The following NPY5R variants were observed in gnomAD, a reference collection of about 807,000 sequenced individuals.
The protein encoded by NPY5R is neuropeptide Y receptor type 5.
In NPY5R, 21 loss-of-function variants were observed where a neutral mutation model predicts 24.8. That is an observed-to-expected ratio of 0.85 (90% CI 0.60 to 1.22). The LOEUF is 1.22. NPY5R is among the 50% of genes most tolerant of loss of function. NPY5R has a pLI of 0.00. For missense variants in NPY5R, 481 were observed against 521.3 expected (o/e 0.92, Z 0.75); for synonymous variants, 175 against 183.0 (o/e 0.96, Z 0.35).
intron 3 of NPY5R, among the ~76,000 whole-genome samples, chr4:163,347,775 T>C (rs891901922): frequency 2.6e-5 from 4 of 152,216 alleles, no homozygotes; most frequent in African/African-American, 9.6e-5. Context: ...GTCACTTTTG[T>C]ACCAGGTGTT....
In NPY5R at chr4:163,350,294, G is replaced by A. The variant is rs755044465; in HGVS notation, c.21G>A (p.Glu7=). The A allele has an allele frequency of 1.0e-5, 16 of 1,580,824 alleles. No individual in the cohort carries two copies. The highest frequency in any genetic ancestry group is 2.3e-5 in the East Asian group (1 of 44,370). MDLELD[E]YYNKTLATEN... Reference sequence around the variant, plus strand: ...ATAATATGGATTTAGAGCTCGACGAGTATTATAACAAGACACTTGCCACAG... The same window carrying A: ...ATAATATGGATTTAGAGCTCGACGAATATTATAACAAGACACTTGCCACAG... The change falls in exon 4 of 4, where the codon GAG becomes GAA. Residue 7 remains glutamate (E), a synonymous_variant. Coordinates refer to ENST00000338566, the MANE Select transcript of NPY5R (RefSeq NM_006174.4).
At chr4:163,345,143 AT>A (rs1448581130) in intron 1 of NPY5R, 1 of 152,232 alleles carries the variant, frequency 6.6e-6, no homozygotes, top group Non-Finnish European at 1.5e-5. Context: ...GTGTATTTTC[AT>A]AAAGCAAAAA....
intron 3 of NPY5R, among the ~76,000 whole-genome samples, chr4:163,348,860 T>A (rs1735363029): frequency 6.6e-6 from 1 of 152,154 alleles, no homozygotes; most frequent in African/African-American, 2.4e-5. Flanking sequence ...GGGAGTTATA[T>A]TAATATCACT....
At position 163,350,937 on chromosome 4, in the gene NPY5R, C is replaced by T; in HGVS notation, c.664C>T (p.Leu222=). 1 of 1,613,914 alleles carries T rather than the reference C, an allele frequency of 6.2e-7. No homozygotes were observed. Among genetic ancestry groups the T allele is most frequent in the South Asian group, 1.1e-5 (1 of 91,070 alleles). The change falls in exon 4 of 4, where the codon CTG becomes TTG. Residue 222 remains leucine, a synonymous_variant. Coordinates refer to ENST00000338566, the MANE Select transcript of NPY5R (RefSeq NM_006174.4). ...TISLLLVQYI[L]PLVCLTVSHT... is the part of the protein sequence containing the mutation. ...CTCTTTATTGCTAGTTCAGTATATT[C>T]TGCCCTTAGTTTGTCTTACTGTAAG...
chr4:163,343,999 A>G lies in NPY5R; in HGVS notation c.-122A>G, dbSNP rs1735092014. On this transcript the variant is annotated splice_region_variant and 5_prime_UTR_variant, in exon 1 of 4. Transcript: ENST00000338566. ...GGCCTGCAGCGGCCGGGGCGCCCCGAGGTACGGGCTCCCGCCCCTCCCTGC... is the reference window on the plus strand; with the variant it reads ...GGCCTGCAGCGGCCGGGGCGCCCCGGGGTACGGGCTCCCGCCCCTCCCTGC... 6.6e-6 allele frequency: 1 copy of G among 151,672 alleles called. No homozygotes were observed. The highest frequency in any genetic ancestry group is 3.4e-3 in the Middle Eastern group (1 of 290). 9.4% of individuals were successfully genotyped at this position (151,672 alleles called of 1,614,324 possible).
At chr4:163,348,378 C>G (rs1212880837) in intron 3 of NPY5R, among the ~76,000 whole-genome samples, 1 of 152,078 alleles carries the variant, frequency 6.6e-6, no homozygotes, top group Non-Finnish European at 1.5e-5. Context: ...CCTATAATCC[C>G]AACAGTTTGG....
chr4:163,349,533 T>C (rs563026721), intron 3 of NPY5R, among the ~76,000 whole-genome samples: 4 of 152,276 alleles, frequency 2.6e-5, no homozygotes, highest in African/African-American at 9.6e-5. Flanking sequence ...TTGGCCTAGA[T>C]TGAGATAGAA....
At position 163,351,582 on chromosome 4, in the gene NPY5R, G is replaced by A; in HGVS notation, c.1309G>A (p.Val437Met). 2.5e-6 allele frequency: 4 copies of A among 1,609,028 alleles called. No homozygotes were observed. Among genetic ancestry groups the A allele is most frequent in the Non-Finnish European group, 3.4e-6 (4 of 1,175,590 alleles). Residue 437 changes from valine to methionine, a missense_variant, in exon 4 of 4, where the codon GTG (valine) becomes ATG (methionine). Val to Met is a conservative substitution (Grantham distance 21). Coordinates refer to ENST00000338566, the MANE Select transcript of NPY5R (RefSeq NM_006174.4). ...FLNNGIKADL[V>M]SLIHCLHM is the part of the protein sequence containing the mutation. ...TAATAATGGGATTAAAGCTGATTTA[G>A]TGTCCCTTATACACTGTCTTCATAT...
intron 2 of NPY5R, 145 bp downstream of exon 2, chr4:163,345,898 A>T (rs548175741): frequency 6.6e-6 from 1 of 152,220 alleles, no homozygotes. Flanking sequence ...AGGCACTTTT[A>T]AAAAAACTAC....
In NPY5R at chr4:163,350,591, G is replaced by C; in HGVS notation, c.318G>C (p.Gln106His). The C allele has an allele frequency of 1.2e-6, 2 of 1,614,170 alleles. No individual in the cohort carries two copies. Among genetic ancestry groups the C allele is most frequent in the Non-Finnish European group, 1.7e-6 (2 of 1,180,022 alleles). Residue 106 changes from glutamine to histidine, a missense_variant, in exon 4 of 4, where the codon CAG becomes CAC. Physicochemically the swap from Gln to His is conservative, Grantham distance 24 (BLOSUM62 0). Transcript: ENST00000338566. The part of the protein sequence containing the change: ...PFTLTSVLLD[Q>H]WMFGKVMCHI... Reference sequence around the variant, plus strand: ...CACTGACGTCTGTCTTGCTGGATCAGTGGATGTTTGGCAAAGTCATGTGCC... The same window carrying C: ...CACTGACGTCTGTCTTGCTGGATCACTGGATGTTTGGCAAAGTCATGTGCC...
chr4:163,351,858 T>C lies in NPY5R; in HGVS notation c.*247T>C. The C allele has an allele frequency of 3.4e-6, 1 of 296,828 alleles. No individual in the cohort carries two copies. The highest frequency in any genetic ancestry group is 1.2e-4 in the South Asian group (1 of 8,238). 18.4% of individuals were successfully genotyped at this position (296,828 alleles called of 1,614,324 possible). A position where few individuals can be genotyped will look rare whatever the true frequency, so the allele number is the denominator to read the frequency against. ...TGTAATTTCACTTTAGAAGGTTGTA[T>C]TACCTTCCACTTCCATGTTGTCTTA... On this transcript the variant is annotated 3_prime_UTR_variant, in exon 4 of 4. Transcript: ENST00000338566.
chr4:163,346,326 T>A (rs1406187509), intron 2 of NPY5R, among the ~76,000 whole-genome samples: 1 of 152,206 alleles, frequency 6.6e-6, no homozygotes, highest in Non-Finnish European at 1.5e-5. Context: ...TCATTCATCA[T>A]CCAATTTGGG....
chr4:163,350,608 T>C lies in NPY5R; in HGVS notation c.335T>C (p.Val112Ala). ...VLLDQWMFGK[V>A]MCHIMPFLQC... Reference sequence around the variant, plus strand: ...CTGGATCAGTGGATGTTTGGCAAAGTCATGTGCCATATTATGCCTTTTCTT... The same window carrying C: ...CTGGATCAGTGGATGTTTGGCAAAGCCATGTGCCATATTATGCCTTTTCTT... The change falls in exon 4 of 4, where the codon GTC becomes GCC. Residue 112 changes from valine (V) to alanine (A), a missense_variant. Coordinates refer to ENST00000338566, the MANE Select transcript of NPY5R (RefSeq NM_006174.4). The C allele has an allele frequency of 6.2e-7, 1 of 1,614,202 alleles. No homozygotes were observed.
chr4:163,351,358 G>A lies in NPY5R; in HGVS notation c.1085G>A (p.Arg362Lys). Reference protein sequence around the residue: ...VKRSVTRIKKRSRSVFYRLTI... With the variant: ...VKRSVTRIKKKSRSVFYRLTI... ...CGTTCTGTTACAAGAATAAAAAAGA[G>A]ATCTCGAAGTGTTTTCTACAGACTG... Residue 362 changes from arginine (R) to lysine (K), a missense_variant, in exon 4 of 4, where the codon AGA (arginine) becomes AAA (lysine). Physicochemically the swap from Arg to Lys is conservative, Grantham distance 26. Coordinates refer to ENST00000338566, the MANE Select transcript of NPY5R (RefSeq NM_006174.4). 1.2e-6 allele frequency: 2 copies of A among 1,613,706 alleles called. No individual in the cohort carries two copies. The highest frequency in any genetic ancestry group is 1.1e-5 in the South Asian group (1 of 91,064).
In NPY5R at chr4:163,350,880, C is replaced by G. The variant is rs755873415; in HGVS notation, c.607C>G (p.Pro203Ala). Reference protein sequence around the residue: ...SSRYLCVESWPSDSYRIAFTI... With the variant: ...SSRYLCVESWASDSYRIAFTI... Reference sequence around the variant, plus strand: ...CAGGTATTTATGTGTTGAGTCATGGCCATCTGATTCATACAGAATTGCCTT... The same window carrying G: ...CAGGTATTTATGTGTTGAGTCATGGGCATCTGATTCATACAGAATTGCCTT... The change falls in exon 4 of 4, where the codon CCA becomes GCA. Residue 203 changes from proline (P) to alanine (A), a missense_variant. Pro to Ala is a conservative substitution (Grantham distance 27, BLOSUM62 -1). Transcript: ENST00000338566. The G allele has an allele frequency of 6.2e-7, 1 of 1,614,144 alleles. No individual in the cohort carries two copies. Among genetic ancestry groups the G allele is most frequent in the Admixed American group, 1.7e-5 (1 of 60,018 alleles).
At chr4:163,346,012 T>G (rs967256298) in intron 2 of NPY5R, among the ~76,000 whole-genome samples, 2 of 135,814 alleles carry the variant, frequency 1.5e-5, no homozygotes, top group African/African-American at 5.5e-5. Flanking sequence ...GGAGCAAAGA[T>G]TCACAGAATG....
intron 2 of NPY5R, among the ~76,000 whole-genome samples, chr4:163,346,215 C>G (rs36227917): frequency 0.079 from 12,075 of 152,148 alleles, 545 homozygotes; most frequent in South Asian, 0.18. Flanking sequence ...CTATCAGTAG[C>G]TACATAAAGT....
chr4:163,346,746 G>T (rs1398479498), intron 2 of NPY5R, among the ~76,000 whole-genome samples: 1 of 152,072 alleles, frequency 6.6e-6, no homozygotes, highest in Non-Finnish European at 1.5e-5. Context: ...TAAAATAAAA[G>T]TTTTAATAAC....
rs1282801486 is a variant in NPY5R at position 163,350,845 on chromosome 4, T to C, written c.572T>C (p.Leu191Ser). The C allele has an allele frequency of 6.2e-7, 1 of 1,614,116 alleles. No homozygotes were observed. ...CTTCAAGAAACATTTGGTTCAGCAT[T>C]GCTGAGCAGCAGGTATTTATGTGTT... ...VELQETFGSALLSSRYLCVES... is the reference protein window; with the variant it reads ...VELQETFGSASLSSRYLCVES... The change falls in exon 4 of 4, where the codon TTG becomes TCG. Residue 191 changes from leucine (L) to serine (S), a missense_variant. Physicochemically the swap from Leu to Ser is moderately radical, Grantham distance 145. Transcript: ENST00000338566.
Sources: allele counts gnomAD v4.1 joint callset (sites outside exome capture counted in the v4.1 genomes callset), GRCh38; gene constraint gnomAD v4.1.1; transcripts MANE v1.5; gene names NCBI Gene and HGNC (gene_info 2026-07-23, HGNC 2026-07-21).